ABI3: variants seen among roughly 807,000 people sequenced by gnomAD.
The protein encoded by ABI3 is ABI gene family member 3.
A neutral mutation model predicts 37.0 loss-of-function variants in ABI3; 24 were observed. The observed-to-expected ratio is 0.65, with a 90% CI of 0.47 to 0.91. ABI3 has a LOEUF of 0.91. Ranked by LOEUF, ABI3 falls within the 40% of genes least tolerant of loss-of-function variation. The pLI, the probability that ABI3 is intolerant of heterozygous loss-of-function variation, is 0.00. For missense variants in ABI3, 481 were observed against 485.1 expected, an observed-to-expected ratio of 0.99 and a Z score of 0.08; for synonymous variants, 220 against 211.8, an observed-to-expected ratio of 1.04 and a Z score of -0.34.
At chr17:49,217,680 G>T in intron 2 of ABI3, 59 bp from the exon 3 acceptor site, 1 of 1,505,556 alleles carries the variant, frequency 6.6e-7, no homozygotes, top group Non-Finnish European at 8.9e-7. Flanking sequence ...TTCCTCCTTA[G>T]GGGGAAGGGT....
rs766881753 is a variant in ABI3 at position 49,217,720 on chromosome 17, C to T, written c.286-19C>T. On this transcript the variant is annotated intron_variant, in intron 2 of 7. Coordinates refer to ENST00000225941, the MANE Select transcript of ABI3 (RefSeq NM_016428.3). ...GACACAGACCACCCCTCTCTGTCAC[C>T]TTGAACCCTGTCATGCAGATGGTGA... is the stretch of plus-strand genomic sequence containing the variant. 2 of 1,600,104 alleles carry T rather than the reference C, an allele frequency of 1.2e-6. No homozygotes were observed. The highest frequency in any genetic ancestry group is 1.1e-5 in the South Asian group (1 of 89,032).
chr17:49,210,736 A>T lies in ABI3; in HGVS notation c.12A>T (p.Leu4=), dbSNP rs1171768653. Residue 4 remains leucine, a synonymous_variant, in exon 1 of 8, where the codon CTA becomes CTT. Coordinates refer to ENST00000225941, the MANE Select transcript of ABI3 (RefSeq NM_016428.3). The surrounding 1 kb of genome is among the most constrained non-coding windows in gnomAD (Gnocchi z 4.2). ...AGAGGCTGGGGGTGATGGCGGAGCT[A>T]CAGCAGCTGCAGGAGTTTGAGATCC... MAE[L]QQLQEFEIPT... 6.4e-7 allele frequency: 1 copy of T among 1,556,098 alleles called. No homozygotes were observed. The highest frequency in any genetic ancestry group is 1.2e-5 in the South Asian group (1 of 84,422).
chr17:49,214,933 A>G (rs1264516871), intron 1 of ABI3, among the ~76,000 whole-genome samples: 1 of 152,258 alleles, frequency 6.6e-6, no homozygotes, highest in Non-Finnish European at 1.5e-5. Flanking sequence ...GACGGGATAC[A>G]GGATGAAACA....
At chr17:49,221,999 G>A in intron 6 of ABI3, 92 bp from the exon 7 acceptor site, 2 of 1,428,172 alleles carry the variant, frequency 1.4e-6, no homozygotes, top group Non-Finnish European at 1.8e-6. Context: ...GCTGAGATGG[G>A]TGGATTCTGG....
rs1567884132 is a variant in ABI3 at position 49,219,846 on chromosome 17, G to A, written c.549-12G>A. On this transcript the variant is annotated splice_polypyrimidine_tract_variant and intron_variant, in intron 4 of 7. Coordinates refer to ENST00000225941, the MANE Select transcript of ABI3 (RefSeq NM_016428.3). The surrounding 1 kb of genome is among the most constrained non-coding windows in gnomAD (Gnocchi z 4.3). ...TCCTTCCTCCTAATACCCACTCCCT[G>A]CCCCCCGCCAGGAGACCACCCCGGA... The A allele has an allele frequency of 1.3e-6, 2 of 1,539,336 alleles. No homozygotes were observed. Among genetic ancestry groups the A allele is most frequent in the Admixed American group, 2.0e-5 (1 of 51,148 alleles).
At chr17:49,214,472 G>T (rs1370975355) in intron 1 of ABI3, among the ~76,000 whole-genome samples, 1 of 152,202 alleles carries the variant, frequency 6.6e-6, no homozygotes, top group African/African-American at 2.4e-5. Flanking sequence ...ACTTTGGGAG[G>T]CCAAGGCAGG....
In ABI3 at chr17:49,219,968, C is replaced by A; in HGVS notation, c.644+15C>A. ...GCCTCGGCCGGGTGAGACCTACAAGCCCACGTGGGTGGGTGGGGGGTGGGA... is the reference window on the plus strand; with the variant it reads ...GCCTCGGCCGGGTGAGACCTACAAGACCACGTGGGTGGGTGGGGGGTGGGA... On this transcript the variant is annotated intron_variant, in intron 5 of 7. Coordinates refer to ENST00000225941, the MANE Select transcript of ABI3 (RefSeq NM_016428.3). This position sits in a 1 kb window ranked among gnomAD's most constrained non-coding sequence, Gnocchi z 4.3. 1 of 1,539,372 alleles carries A rather than the reference C, an allele frequency of 6.5e-7. No homozygotes were observed. Among genetic ancestry groups the A allele is most frequent in the Non-Finnish European group, 8.7e-7 (1 of 1,147,004 alleles).
In ABI3 at chr17:49,219,013, A is replaced by T. The variant is rs917603715; in HGVS notation, c.463-527A>T. Among the ~76,000 whole-genome samples, 2 of 152,110 alleles carry T rather than the reference A, an allele frequency of 1.3e-5. No individual in the cohort carries two copies. The highest frequency in any genetic ancestry group is 2.9e-5 in the Non-Finnish European group (2 of 68,032). ...TGTACCCACCCCTTGGGGAAGTCCCATTGGTAACAGCAGTTCCCTCTTTCA... is the reference window on the plus strand; with the variant it reads ...TGTACCCACCCCTTGGGGAAGTCCCTTTGGTAACAGCAGTTCCCTCTTTCA... On this transcript the variant is annotated intron_variant, in intron 3 of 7. Coordinates refer to ENST00000225941, the MANE Select transcript of ABI3 (RefSeq NM_016428.3). This position sits in a 1 kb window ranked among gnomAD's most constrained non-coding sequence, Gnocchi z 4.3.
rs970063836 is a variant in ABI3 at position 49,210,888 on chromosome 17, G to A, written c.117+47G>A. The stretch of plus-strand genomic sequence containing the variant: ...CTGACACCCCAGCCCCCGGAGGGGG[G>A]ACCCTGAGCCCTGCCCCAAGTGGGG... On this transcript the variant is annotated intron_variant, in intron 1 of 7. Transcript: ENST00000225941. The surrounding 1 kb of genome is among the most constrained non-coding windows in gnomAD (Gnocchi z 4.2). 6.8e-7 allele frequency: 1 copy of A among 1,480,562 alleles called. No individual in the cohort carries two copies. Among genetic ancestry groups the A allele is most frequent in the Non-Finnish European group, 9.2e-7 (1 of 1,088,618 alleles). The allele number at this position is 1,480,562 out of a possible 1,614,324, so 91.7% of individuals were successfully genotyped here.
chr17:49,214,906 G>A (rs1165266643), intron 1 of ABI3, among the ~76,000 whole-genome samples: 2 of 152,192 alleles, frequency 1.3e-5, no homozygotes, highest in Admixed American at 1.3e-4. Context: ...TCTTTTGCGT[G>A]TTGGGTGTGA....
intron 6 of ABI3, among the ~76,000 whole-genome samples, chr17:49,221,835 C>T (rs2043292578): frequency 6.6e-6 from 1 of 152,202 alleles, no homozygotes; most frequent in Non-Finnish European, 1.5e-5. Context: ...TCTCCTGCCT[C>T]AGTCTCCCGA....
intron 2 of ABI3, among the ~76,000 whole-genome samples, chr17:49,217,508 C>T (rs1018466387): frequency 3.3e-5 from 5 of 151,780 alleles, no homozygotes; most frequent in Non-Finnish European, 7.4e-5. Flanking sequence ...CTAATAATAA[C>T]CCATACTCTC....
At chr17:49,216,837 C>A in intron 2 of ABI3, 139 bp downstream of exon 2, 1 of 1,067,148 alleles carries the variant, frequency 9.4e-7, no homozygotes, top group Non-Finnish European at 1.3e-6. Flanking sequence ...AAGGTTGGCA[C>A]TTCCCAAGCT....
intron 1 of ABI3, 64 bp from the exon 2 acceptor site, chr17:49,216,467 C>T: frequency 7.2e-7 from 1 of 1,381,374 alleles, no homozygotes; most frequent in Non-Finnish European, 9.5e-7. Flanking sequence ...TCCCATCCCA[C>T]CCCAGCCAGC....
rs2043272828 is a variant in ABI3 at position 49,220,470 on chromosome 17, CAG to C, written c.802+147_802+148del. 4 of 1,088,670 alleles carry C rather than the reference CAG, an allele frequency of 3.7e-6. No homozygotes were observed. In the East Asian group the frequency reaches 1.0e-4, roughly 28 times the overall value. 67.4% of individuals were successfully genotyped at this position (1,088,670 alleles called of 1,614,324 possible). A position where few individuals can be genotyped will look rare whatever the true frequency, so the allele number is the denominator to read the frequency against. On this transcript the variant is annotated intron_variant, in intron 6 of 7. Transcript: ENST00000225941. ...AGCGCAGCACAGGGGCGAAAGGAGA[CAG>C]AGGAAGTGAACTAACATAACTTAGC...
rs554193572 is a variant in ABI3, at chr17:49,211,707, C to T, written c.117+866C>T. ...TTGTCCAGGCTGGAGTGCAATGGCT[C>T]GATCTTGGCTCACTACAACCTCCGC... On this transcript the variant is annotated intron_variant, in intron 1 of 7. Transcript: ENST00000225941. 3.6e-3 allele frequency among the ~76,000 whole-genome samples: 545 copies of T among 151,050 alleles called. 3 individuals carry two copies. The highest frequency in any genetic ancestry group is 5.5e-3 in the Non-Finnish European group (373 of 67,670).
chr17:49,219,806 G>A lies in ABI3; in HGVS notation c.549-52G>A. 3 of 1,517,662 alleles carry A rather than the reference G, an allele frequency of 2.0e-6. No individual in the cohort carries two copies. The highest frequency in any genetic ancestry group is 1.4e-5 in the African/African-American group (1 of 72,630). The allele number at this position is 1,517,662 out of a possible 1,614,324, so 94.0% of individuals were successfully genotyped here. Reference sequence around the variant, plus strand: ...TTCCTGCTCGCACCCGACCCCTGCTGGCCAGAAGCCTTCCTCCTTCCTCCT... The same window carrying A: ...TTCCTGCTCGCACCCGACCCCTGCTAGCCAGAAGCCTTCCTCCTTCCTCCT... On this transcript the variant is annotated intron_variant, in intron 4 of 7. Transcript: ENST00000225941. The surrounding 1 kb of genome is among the most constrained non-coding windows in gnomAD (Gnocchi z 4.3).
rs573272263 is a variant in ABI3, at chr17:49,222,443, T to C, written c.938-109T>C. ...AAGGCTTGCAAGAAGGCCCCCAAGA[T>C]GGCCCCTAGAGTCTAGTACTTGAGA... On this transcript the variant is annotated intron_variant, in intron 7 of 7. Coordinates refer to ENST00000225941, the MANE Select transcript of ABI3 (RefSeq NM_016428.3). 21 of 1,436,484 alleles carry C rather than the reference T, an allele frequency of 1.5e-5. No homozygotes were observed. The East Asian group carries it at 4.8e-4, about 33-fold the overall frequency. 89.0% of individuals were successfully genotyped at this position (1,436,484 alleles called of 1,614,324 possible).
chr17:49,222,312 A>C (rs916540381), intron 7 of ABI3, 87 bp downstream of exon 7: 2 of 1,519,238 alleles, frequency 1.3e-6, no homozygotes, highest in Non-Finnish European at 1.8e-6. Context: ...AAAGGTGTGA[A>C]TCTATCCCCC....
Sources: allele counts gnomAD v4.1 joint callset (sites outside exome capture counted in the v4.1 genomes callset), GRCh38; gene constraint gnomAD v4.1.1; non-coding constraint Gnocchi (gnomAD v3.1); transcripts MANE v1.5; gene names NCBI Gene and HGNC (gene_info 2026-07-23, HGNC 2026-07-21).